Variants in RUNX1T1 observed in about 807,000 individuals in gnomAD.
RUNX1T1 encodes RUNX1 partner transcriptional co-repressor 1.
A neutral mutation model predicts 62.8 loss-of-function variants in RUNX1T1; 4 were observed. The ratio of observed to expected loss-of-function variants is 0.06; its 90% confidence interval spans 0.03 to 0.15. RUNX1T1 has a LOEUF of 0.15. Ranked by LOEUF, RUNX1T1 falls within the 10% of genes least tolerant of loss-of-function variation. The pLI is 1.00. For synonymous variants in RUNX1T1, 291 were observed against 286.0 expected, an observed-to-expected ratio of 1.02 and a Z score of -0.18; for missense variants, 508 against 754.3, an observed-to-expected ratio of 0.67 and a Z score of 3.82.
intron 8 of RUNX1T1, among the ~76,000 whole-genome samples, chr8:91,977,852 G>T (rs554059152): frequency 1.3e-5 from 2 of 152,104 alleles, no homozygotes; most frequent in South Asian, 4.2e-4. Context: ...GCAGTGGCAC[G>T]ATCACAGCTC....
At chr8:92,098,965 CTTATA>C (rs1191176308) in intron 1 of RUNX1T1, among the ~76,000 whole-genome samples, 1 of 152,042 alleles carries the variant, frequency 6.6e-6, no homozygotes, top group Non-Finnish European at 1.5e-5. Context: ...TTTAGGAACT[CTTATA>C]TTAATGGCTG....
intron 1 of RUNX1T1, chr8:92,017,703 A>G: frequency 8.6e-7 from 1 of 1,169,346 alleles, no homozygotes; most frequent in South Asian, 1.9e-5. Context: ...TAGATGAGGA[A>G]GTGGGATGAT....
intron 1 of RUNX1T1, among the ~76,000 whole-genome samples, chr8:92,059,381 G>T (rs1831542328): frequency 6.6e-6 from 1 of 152,110 alleles, no homozygotes; most frequent in Non-Finnish European, 1.5e-5. Flanking sequence ...ACAGTTGTCT[G>T]TCCATGGCAA....
chr8:92,076,129 C>T (rs1401912307), exon 2 of RUNX1T1: 2 of 1,539,918 alleles, frequency 1.3e-6, no homozygotes, highest in Non-Finnish European at 1.7e-6. Context: ...GCCCAGAGAT[C>T]AATCTTTTCT....
At chr8:91,998,451 C>A (rs914967102) in intron 5 of RUNX1T1, among the ~76,000 whole-genome samples, 1 of 152,120 alleles carries the variant, frequency 6.6e-6, no homozygotes, top group Non-Finnish European at 1.5e-5. Context: ...AAACAACCAC[C>A]TAGCAGTGAG....
At chr8:92,097,891 G>GA (rs1437030102) in intron 1 of RUNX1T1, among the ~76,000 whole-genome samples, 1 of 151,886 alleles carries the variant, frequency 6.6e-6, no homozygotes, top group Non-Finnish European at 1.5e-5. Context: ...TCAATTAAAA[G>GA]AAAAAAACAG....
chr8:92,009,627 A>C (rs1374654012), intron 4 of RUNX1T1: 1 of 150,808 alleles, frequency 6.6e-6, no homozygotes, highest in Non-Finnish European at 1.5e-5. Context: ...TTAGCACAGA[A>C]ACCAGTGGTA....
chr8:91,977,963 T>A (rs771168698), intron 8 of RUNX1T1, among the ~76,000 whole-genome samples: 10 of 152,046 alleles, frequency 6.6e-5, no homozygotes, highest in Non-Finnish European at 1.3e-4. Flanking sequence ...AACCTGTATA[T>A]TTTTAGTAGA....
intron 1 of RUNX1T1, among the ~76,000 whole-genome samples, chr8:92,055,809 A>G (rs1830945477): frequency 6.6e-6 from 1 of 152,214 alleles, no homozygotes; most frequent in Non-Finnish European, 1.5e-5. Flanking sequence ...ATTTGTTTTG[A>G]TTTCCTCTAC....
intron 6 of RUNX1T1, among the ~76,000 whole-genome samples, chr8:91,988,042 A>ATC (rs1816921594): frequency 1.3e-5 from 2 of 152,118 alleles, no homozygotes; most frequent in African/African-American, 4.8e-5. Context: ...TAACTGAGCT[A>ATC]TCTCTCTGTG....
intron 1 of RUNX1T1, among the ~76,000 whole-genome samples, chr8:92,038,763 T>A (rs1587224998): frequency 6.6e-6 from 1 of 152,102 alleles, no homozygotes; most frequent in South Asian, 2.1e-4. Flanking sequence ...GGGTCCTACA[T>A]CTCTGCAAAC....
At chr8:92,057,132 A>T (rs1831168259) in intron 1 of RUNX1T1, among the ~76,000 whole-genome samples, 1 of 152,238 alleles carries the variant, frequency 6.6e-6, no homozygotes, top group Non-Finnish European at 1.5e-5. Flanking sequence ...AACCTGTTTT[A>T]TCCAAGATCA....
chr8:92,103,076 G>C, upstream of RUNX1T1: 2 of 470,048 alleles, frequency 4.3e-6, no homozygotes, highest in South Asian at 7.2e-5. Flanking sequence ...TGCGCAGAGA[G>C]AGCTGCCGTG....
rs148993506 is a variant in RUNX1T1 at position 92,035,069 on chromosome 8, C to T, written c.8-17706G>A. 7.1e-3 allele frequency among the ~76,000 whole-genome samples: 1,086 copies of T among 151,898 alleles called. 14 individuals are homozygous for T. The highest frequency in any genetic ancestry group is 0.024 in the African/African-American group (1,012 of 41,418). ...CAGCACTTTGGGAGGCCAAGGAGGG[C>T]GGATCACCTGAGGTCAGGAGTTCGA... On this transcript the variant is annotated intron_variant, in intron 1 of 10. Transcript: ENST00000396218.
chr8:92,075,159 A>C (rs1281277675), intron 2 of RUNX1T1, among the ~76,000 whole-genome samples: 3 of 152,216 alleles, frequency 2.0e-5, no homozygotes, highest in Non-Finnish European at 4.4e-5. Flanking sequence ...ACAGAACTTA[A>C]AATCTCTTCC....
intron 2 of RUNX1T1, among the ~76,000 whole-genome samples, chr8:92,074,255 T>C (rs1368866606): frequency 2.0e-5 from 3 of 152,240 alleles, no homozygotes; most frequent in African/African-American, 7.2e-5. Flanking sequence ...TGTGTTCTTG[T>C]CATGCATTTT....
intron 1 of RUNX1T1, chr8:92,095,618 G>A: frequency 7.3e-7 from 1 of 1,367,054 alleles, no homozygotes; most frequent in Non-Finnish European, 9.5e-7. Flanking sequence ...AAAAGTGGGA[G>A]AGAGAGAGAG....
intron 4 of RUNX1T1, among the ~76,000 whole-genome samples, chr8:92,008,785 G>A (rs1821375597): frequency 6.6e-6 from 1 of 152,138 alleles, no homozygotes; most frequent in African/African-American, 2.4e-5. Context: ...ATTTGGCTAT[G>A]TGTTATAGAT....
Position 91,999,565 on chromosome 8 carries a change from A to G in RUNX1T1, c.659+5551T>C, listed in dbSNP as rs527550083. Among the ~76,000 whole-genome samples the G allele has an allele frequency of 4.6e-5, 7 of 152,320 alleles. No individual in the cohort carries two copies. The South Asian group carries it at 1.4e-3, about 32-fold the overall frequency. ...ACGGCTATGAGAGCATGGGCATTTG[A>G]GTCTGAGAACCCAGGGTTAGAATCC... On this transcript the variant is annotated intron_variant, in intron 5 of 10. Transcript: ENST00000396218.
Sources: gnomAD v4.1 joint callset for allele counts (sites outside exome capture counted in the v4.1 genomes callset) on GRCh38, gnomAD v4.1.1 for gene constraint, MANE v1.5 for transcripts, NCBI Gene and HGNC (gene_info 2026-07-23, HGNC 2026-07-21) for gene names.